Variants in MORC1 observed in about 807,000 individuals in gnomAD.
MORC1 encodes MORC family CW-type zinc finger 1.
Under a neutral mutation model 134.9 loss-of-function variants are expected in MORC1, and 59 were observed. The ratio of observed to expected loss-of-function variants is 0.44; its 90% CI spans 0.35 to 0.54. The LOEUF (loss-of-function observed/expected upper bound fraction) is 0.54. Among genes scored for constraint, MORC1 ranks in the 20% least tolerant of loss-of-function variants. MORC1 has a pLI of 0.00. For synonymous variants in MORC1, 395 were observed against 391.7 expected (o/e 1.01, Z -0.10); for missense variants, 947 against 1,134.5 (o/e 0.83, Z 2.37).
chr3:109,019,782 C>G (rs1948912014), intron 17 of MORC1, among the ~76,000 whole-genome samples: 1 of 152,210 alleles, frequency 6.6e-6, no homozygotes, highest in African/African-American at 2.4e-5. Flanking sequence ...TATCATTTCA[C>G]CCCTCCATTC....
intron 6 of MORC1, among the ~76,000 whole-genome samples, chr3:109,096,599 G>A (rs1950835801): frequency 6.6e-6 from 1 of 152,110 alleles, no homozygotes; most frequent in African/African-American, 2.4e-5. Flanking sequence ...CCCTATTCCT[G>A]GAAAATTCAT....
intron 14 of MORC1, among the ~76,000 whole-genome samples, chr3:109,040,829 C>CAAAAAAAAAAAAAAAAA (rs59122147): frequency 3.7e-5 from 4 of 108,630 alleles, no homozygotes; most frequent in African/African-American, 8.9e-5. Context: ...AACTCTGTGT[C>CAAAAAAAAAAAAAAAAA]AAAAAAAAAA....
At chr3:109,109,799 C>A (rs2107800089) in intron 3 of MORC1, 1 of 152,394 alleles carries the variant, frequency 6.6e-6, no homozygotes, top group South Asian at 2.1e-4. Flanking sequence ...AGTCCTGATC[C>A]CTTGTCCCAG....
At chr3:109,114,903 T>C (rs1191920990) in intron 1 of MORC1, among the ~76,000 whole-genome samples, 1 of 152,234 alleles carries the variant, frequency 6.6e-6, no homozygotes, top group Non-Finnish European at 1.5e-5. Context: ...GCCTCACCAA[T>C]CTGTATTTTT....
chr3:109,040,387 A>G (rs1349684704), intron 14 of MORC1, among the ~76,000 whole-genome samples: 2 of 90,776 alleles, frequency 2.2e-5, no homozygotes, highest in African/African-American at 3.7e-5. Context: ...AGAAAGAAAG[A>G]AAGAAAGAAA....
intron 14 of MORC1, among the ~76,000 whole-genome samples, chr3:109,046,893 C>A (rs535951614): frequency 6.6e-6 from 1 of 152,078 alleles, no homozygotes; most frequent in South Asian, 2.1e-4. Context: ...ATATACAGTA[C>A]TTTTTTTTCT....
At chr3:109,115,141 A>G (rs1951242839) in intron 1 of MORC1, among the ~76,000 whole-genome samples, 2 of 152,184 alleles carry the variant, frequency 1.3e-5, no homozygotes, top group African/African-American at 4.8e-5. Context: ...GCATATTTCA[A>G]TCAGCAACCT....
intron 21 of MORC1, among the ~76,000 whole-genome samples, chr3:108,993,116 A>T (rs751556817): frequency 1.3e-5 from 2 of 152,140 alleles, no homozygotes; most frequent in Non-Finnish European, 2.9e-5. Flanking sequence ...AGCCTGTCAG[A>T]GTGTACAGCC....
At chr3:109,089,934 T>C (rs927780450) in intron 8 of MORC1, among the ~76,000 whole-genome samples, 1 of 152,154 alleles carries the variant, frequency 6.6e-6, no homozygotes, top group African/African-American at 2.4e-5. Context: ...AAGATAATTT[T>C]TACCCTGCAA....
chr3:109,034,515 A>G (rs1949326000), intron 15 of MORC1, among the ~76,000 whole-genome samples: 1 of 152,142 alleles, frequency 6.6e-6, no homozygotes, highest in Non-Finnish European at 1.5e-5. Context: ...GACATTCAAG[A>G]ATCTCTAACA....
chr3:109,059,122 G>A (rs1159808888), intron 12 of MORC1, among the ~76,000 whole-genome samples: 1 of 152,026 alleles, frequency 6.6e-6, no homozygotes, highest in Admixed American at 6.6e-5. Flanking sequence ...GAAAGTTATG[G>A]TTGAATGTCA....
intron 8 of MORC1, among the ~76,000 whole-genome samples, chr3:109,085,118 A>G (rs537796333): frequency 7.9e-5 from 12 of 151,840 alleles, no homozygotes; most frequent in African/African-American, 2.4e-4. Flanking sequence ...GTCTGTGTCT[A>G]TCTGTCTGTC....
At chr3:109,113,141 A>T (rs1463052569) in intron 2 of MORC1, among the ~76,000 whole-genome samples, 1 of 152,236 alleles carries the variant, frequency 6.6e-6, no homozygotes, top group Non-Finnish European at 1.5e-5. Flanking sequence ...CCGATGACAT[A>T]GGAGGAGCCT....
chr3:109,003,879 T>G (rs769142959), intron 20 of MORC1, among the ~76,000 whole-genome samples: 1 of 152,108 alleles, frequency 6.6e-6, no homozygotes, highest in African/African-American at 2.4e-5. Flanking sequence ...AAGGCTGCCT[T>G]AGGAGGTAAG....
chr3:108,992,994 C>T (rs146450207), intron 21 of MORC1, among the ~76,000 whole-genome samples: 129 of 152,274 alleles, frequency 8.5e-4, no homozygotes, highest in African/African-American at 3.0e-3. Flanking sequence ...ATTCTCATAA[C>T]AACCTTGAGA....
chr3:109,004,528 T>C (rs1031849269), intron 20 of MORC1, among the ~76,000 whole-genome samples: 3 of 152,172 alleles, frequency 2.0e-5, no homozygotes, highest in Non-Finnish European at 4.4e-5. Context: ...AAGAATTAAA[T>C]AATGGCAACT....
chr3:109,054,233 A>T (rs1180316766), intron 14 of MORC1, among the ~76,000 whole-genome samples: 1 of 151,490 alleles, frequency 6.6e-6, no homozygotes, highest in East Asian at 1.9e-4. Context: ...GTGAGCCGAG[A>T]TTGCATCACT....
intron 26 of MORC1, among the ~76,000 whole-genome samples, chr3:108,968,632 G>T (rs563098128): frequency 1.3e-5 from 2 of 152,310 alleles, no homozygotes; most frequent in East Asian, 3.9e-4. Flanking sequence ...TCTGCTTAGA[G>T]TCATTCTTTG....
chr3:108,961,486 C>T (rs192314756), intron 27 of MORC1, among the ~76,000 whole-genome samples: 1 of 152,108 alleles, frequency 6.6e-6, no homozygotes, highest in Admixed American at 6.5e-5. Context: ...CAGGATGCTA[C>T]ATTATTTCCA....
Sources: allele counts gnomAD v4.1 joint callset (sites outside exome capture counted in the v4.1 genomes callset), GRCh38; gene constraint gnomAD v4.1.1; transcripts MANE v1.5; gene names NCBI Gene and HGNC (gene_info 2026-07-23, HGNC 2026-07-21).